Variants in ANK3 observed in about 807,000 individuals in gnomAD.
The protein encoded by ANK3 is ankyrin 3, also known as ankyrin-3.
A neutral mutation model predicts 370.9 loss-of-function variants in ANK3; 57 were observed. That is an observed-to-expected ratio of 0.15 (90% CI 0.12 to 0.19). The LOEUF is 0.19. ANK3 is among the 10% of genes least tolerant of loss of function. The probability of loss-of-function intolerance (pLI) is 1.00; values close to 1 mark genes in which losing one functional copy is unlikely to be tolerated. For synonymous variants in ANK3, 1,929 were observed against 1,946.3 expected (o/e 0.99, Z 0.23); for missense variants, 4,439 against 5,302.1 (o/e 0.84, Z 5.06).
intron 12 of ANK3, among the ~76,000 whole-genome samples, chr10:60,202,466 G>A (rs1327449049): frequency 2.6e-5 from 4 of 152,208 alleles, no homozygotes; most frequent in Admixed American, 2.0e-4. Context: ...TAATGCACCT[G>A]TAAGGTTAAT....
chr10:60,163,748 A>G (rs1025583644), intron 23 of ANK3, among the ~76,000 whole-genome samples: 12 of 152,144 alleles, frequency 7.9e-5, no homozygotes, highest in African/African-American at 2.9e-4. Context: ...ACAGCAGATT[A>G]TTTTTAGAAT....
intron 2 of ANK3, among the ~76,000 whole-genome samples, chr10:60,477,148 G>T (rs1433107186): frequency 3.9e-5 from 6 of 152,070 alleles, no homozygotes; most frequent in Non-Finnish European, 8.8e-5. Flanking sequence ...TGGGGAGAGA[G>T]TGAAAGGGGC....
chr10:60,616,101 A>C (rs894197542), intron 1 of ANK3, among the ~76,000 whole-genome samples: 5 of 152,158 alleles, frequency 3.3e-5, no homozygotes, highest in Non-Finnish European at 7.4e-5. Context: ...AAATTATTTC[A>C]TCTTGTCAGC....
intron 8 of ANK3, among the ~76,000 whole-genome samples, chr10:60,234,451 A>C (rs545134626): frequency 2.0e-5 from 3 of 152,338 alleles, no homozygotes; most frequent in South Asian, 2.1e-4. Flanking sequence ...AATTAAATGC[A>C]ACAAGAACTC....
intron 16 of ANK3, among the ~76,000 whole-genome samples, chr10:60,194,551 C>T (rs1171266967): frequency 6.6e-6 from 1 of 152,172 alleles, no homozygotes; most frequent in Non-Finnish European, 1.5e-5. Flanking sequence ...CTTCAAGATT[C>T]CTCCATGTAT....
At chr10:60,059,844 T>C in intron 40 of ANK3, 1 of 1,614,238 alleles carries the variant, frequency 6.2e-7, no homozygotes, top group Non-Finnish European at 8.5e-7. Context: ...ATGCTCTATG[T>C]TCCCCTGGGA....
At chr10:60,373,279 AG>A (rs1166023810) in intron 1 of ANK3, among the ~76,000 whole-genome samples, 1 of 152,102 alleles carries the variant, frequency 6.6e-6, no homozygotes, top group Non-Finnish European at 1.5e-5. Context: ...TGTGGGGAGA[AG>A]ATTTAAATGT....
chr10:60,307,830 A>G (rs150488626), intron 1 of ANK3, among the ~76,000 whole-genome samples: 1 of 151,972 alleles, frequency 6.6e-6, no homozygotes, highest in East Asian at 1.9e-4. Context: ...CTCTCTAGCC[A>G]CTCTTTGTGT....
intron 2 of ANK3, among the ~76,000 whole-genome samples, chr10:60,606,584 C>G (rs1283384994): frequency 6.6e-6 from 1 of 152,116 alleles, no homozygotes; most frequent in Non-Finnish European, 1.5e-5. Flanking sequence ...TATGCTTGTA[C>G]TCATCAACTG....
At chr10:60,194,405 C>T (rs1347137631) in intron 16 of ANK3, among the ~76,000 whole-genome samples, 6 of 152,170 alleles carry the variant, frequency 3.9e-5, no homozygotes, top group Non-Finnish European at 8.8e-5. Context: ...TAAACATTAA[C>T]TCCCCATTCC....
At chr10:60,234,413 C>T (rs1035586603) in intron 8 of ANK3, among the ~76,000 whole-genome samples, 5 of 152,172 alleles carry the variant, frequency 3.3e-5, no homozygotes, top group Non-Finnish European at 5.9e-5. Context: ...TCAAACTGAC[C>T]GAACAGCTTA....
chr10:60,481,470 T>C (rs2075213926), intron 2 of ANK3, among the ~76,000 whole-genome samples: 1 of 151,614 alleles, frequency 6.6e-6, no homozygotes, highest in African/African-American at 2.4e-5. Context: ...GGAAGATATA[T>C]ATATATATTT....
rs1238788728 is a variant in ANK3 at position 60,659,413 on chromosome 10, AG to A, written c.58-44190del. ...TTCTATCTGCTCTGCGACACTTTCC[AG>A]TATCTGTAAATAATTGTAGTTTCTC... On this transcript the variant is annotated intron_variant, in intron 1 of 43. Coordinates refer to the ANK3 transcript ENST00000373827. Among the ~76,000 whole-genome samples, 6 of 151,982 alleles carry A rather than the reference AG, an allele frequency of 3.9e-5. No individual in the cohort carries two copies. The South Asian group carries it at 1.2e-3, about 31-fold the overall frequency.
chr10:60,181,422 G>C lies in ANK3; in HGVS notation c.2091C>G (p.Gly697=). ...NANVNLSNKS[G]LTPLHLAAQE... ...GAGCAGCCAAATGGAGTGGGGTCAG[G>C]CCGCTCTGCAAAAGATTCAAAGGGC... Residue 697 remains glycine (G), a synonymous_variant, in exon 18 of 44, where the codon GGC becomes GGG. Transcript: ENST00000280772. 1 of 1,614,122 alleles carries C rather than the reference G, an allele frequency of 6.2e-7. No individual in the cohort carries two copies. Among genetic ancestry groups the C allele is most frequent in the South Asian group, 1.1e-5 (1 of 91,076 alleles).
In ANK3 at chr10:60,071,583, G is replaced by C. The variant is rs1312494259; in HGVS notation, c.9298C>G (p.Gln3100Glu). The C allele has an allele frequency of 6.2e-7, 1 of 1,613,682 alleles. No individual in the cohort carries two copies. Among genetic ancestry groups the C allele is most frequent in the Non-Finnish European group, 8.5e-7 (1 of 1,179,968 alleles). The change falls in exon 37 of 44, where the codon CAA (glutamine) becomes GAA (glutamate). Residue 3100 changes from glutamine to glutamate, a missense_variant. Around this residue, in one of 13 missense-constraint regions of ANK3, gnomAD observed 1,601 missense variants for 1,731.7 expected, o/e 0.92. Transcript: ENST00000280772. ...TCCTTTTCATATTGCTTCCCCACTTGTACAAAACTGACATAAACGGGTAAA... is the reference window on the plus strand; with the variant it reads ...TCCTTTTCATATTGCTTCCCCACTTCTACAAAACTGACATAAACGGGTAAA... The part of the protein sequence containing the change: ...KTLPVYVSFV[Q>E]VGKQYEKEIQ...
At chr10:60,578,142 G>C (rs944746988) in intron 2 of ANK3, among the ~76,000 whole-genome samples, 4 of 152,114 alleles carry the variant, frequency 2.6e-5, no homozygotes, top group African/African-American at 4.8e-5. Context: ...TTCCTGTTTT[G>C]TTCCGAGTTT....
At chr10:60,245,690 T>C (rs1043421493) in intron 7 of ANK3, among the ~76,000 whole-genome samples, 4 of 152,218 alleles carry the variant, frequency 2.6e-5, no homozygotes, top group Non-Finnish European at 2.9e-5. Flanking sequence ...TTTCTTTTCA[T>C]GAGGATGCCA....
At chr10:60,623,810 G>A (rs1015643753) in intron 1 of ANK3, among the ~76,000 whole-genome samples, 1 of 152,180 alleles carries the variant, frequency 6.6e-6, no homozygotes, top group African/African-American at 2.4e-5. Context: ...GGAAAAGAGT[G>A]CCTTTGTTCT....
In ANK3 at chr10:60,074,340, C is replaced by A. The variant is rs368258557; in HGVS notation, c.6541G>T (p.Gly2181Trp). The A allele has an allele frequency of 2.6e-4, 424 of 1,613,938 alleles. 5 individuals are homozygous for A. In the South Asian group the frequency reaches 3.9e-3, roughly 15 times the overall value. Reference sequence around the variant, plus strand: ...TCTGGTTGGGTCTGGGGAACATCCCCAGCTGAGGGATCATAGCTCCTGATA... The same window carrying A: ...TCTGGTTGGGTCTGGGGAACATCCCAAGCTGAGGGATCATAGCTCCTGATA... The part of the protein sequence containing the change: ...HVIRSYDPSA[G>W]DVPQTQPEEP... Residue 2181 changes from glycine to tryptophan, a missense_variant, in exon 37 of 44, where the codon GGG (glycine) becomes TGG (tryptophan). Coordinates refer to ENST00000280772, the MANE Select transcript of ANK3 (RefSeq NM_020987.5).
Sources: gnomAD v4.1 joint callset for allele counts (sites outside exome capture counted in the v4.1 genomes callset) on GRCh38, gnomAD v4.1.1 for gene constraint, gnomAD v4.1.1 regional missense constraint, MANE v1.5 for transcripts, NCBI Gene and HGNC (gene_info 2026-07-23, HGNC 2026-07-21) for gene names.